The following SART3 variants were observed in gnomAD, a reference collection of about 807,000 sequenced individuals.
The protein encoded by SART3 is spliceosome associated factor 3, U4/U6 recycling protein.
Under a neutral mutation model 122.3 loss-of-function variants are expected in SART3, and 44 were observed. The observed-to-expected ratio is 0.36, with a 90% CI of 0.28 to 0.46. SART3 has a LOEUF of 0.46. SART3 is among the 20% of genes least tolerant of loss of function. The pLI, the probability that SART3 is intolerant of heterozygous loss-of-function variation, is 1.00. For missense variants in SART3, 1,101 were observed against 1,229.0 expected, an observed-to-expected ratio of 0.90 and a Z score of 1.56; for synonymous variants, 442 against 454.0, an observed-to-expected ratio of 0.97 and a Z score of 0.34.
intron 11 of SART3, 33 bp from the exon 12 acceptor site, chr12:108,535,501 G>T: frequency 6.4e-7 from 1 of 1,556,014 alleles, no homozygotes; most frequent in South Asian, 1.1e-5. Flanking sequence ...TAGGAGACCT[G>T]AACCTTATGA....
At chr12:108,530,424 C>G (rs1872624639) in intron 14 of SART3, 114 bp from the exon 15 acceptor site, 3 of 1,255,402 alleles carry the variant, frequency 2.4e-6, no homozygotes, top group Middle Eastern at 2.6e-4. Flanking sequence ...AAGCAGAGAT[C>G]AGGAGAAAAA....
At chr12:108,529,303 GCACA>G (rs140994738) in intron 15 of SART3, among the ~76,000 whole-genome samples, 11 of 150,944 alleles carry the variant, frequency 7.3e-5, no homozygotes, top group Admixed American at 4.6e-4. Flanking sequence ...ACACGCACAC[GCACA>G]CACACACACA....
chr12:108,537,261 C>T, intron 9 of SART3: 1 of 524,238 alleles, frequency 1.9e-6, no homozygotes, highest in Non-Finnish European at 3.4e-6. Flanking sequence ...AGAGCTAAGA[C>T]TAAAAAGGCT....
chr12:108,535,760 A>C (rs1235024755), intron 11 of SART3, among the ~76,000 whole-genome samples: 1 of 149,664 alleles, frequency 6.7e-6, no homozygotes, highest in Admixed American at 6.8e-5. Context: ...TATCAAGCTT[A>C]ACTACAAGTG....
intron 1 of SART3, among the ~76,000 whole-genome samples, chr12:108,554,943 A>G (rs1183812003): frequency 6.6e-6 from 1 of 152,200 alleles, no homozygotes; most frequent in Non-Finnish European, 1.5e-5. Flanking sequence ...CAATAAGAGC[A>G]ATGTATAAAA....
chr12:108,533,211 T>C (rs1400952930), intron 12 of SART3, among the ~76,000 whole-genome samples: 1 of 152,136 alleles, frequency 6.6e-6, no homozygotes, highest in East Asian at 1.9e-4. Flanking sequence ...ACTCCTTTTA[T>C]AATAATACCA....
chr12:108,536,870 A>G (rs1872931273), intron 9 of SART3, 85 bp from the exon 10 acceptor site: 4 of 1,226,440 alleles, frequency 3.3e-6, no homozygotes, highest in Non-Finnish European at 4.7e-6. Context: ...AACTGCCTGG[A>G]GACCCACTAT....
At chr12:108,537,113 G>A (rs1056366833) in intron 9 of SART3, 2 of 442,356 alleles carry the variant, frequency 4.5e-6, no homozygotes, top group Non-Finnish European at 8.3e-6. Flanking sequence ...GCAAGTACAA[G>A]TTAGGGGTTT....
intron 12 of SART3, among the ~76,000 whole-genome samples, chr12:108,534,856 T>C (rs1872835222): frequency 6.6e-6 from 1 of 152,246 alleles, no homozygotes; most frequent in African/African-American, 2.4e-5. Context: ...ACATTCTTTA[T>C]GTTTTCCCCA....
intron 14 of SART3, among the ~76,000 whole-genome samples, chr12:108,530,519 A>G (rs1319644397): frequency 2.0e-5 from 3 of 152,074 alleles, no homozygotes; most frequent in Non-Finnish European, 4.4e-5. Flanking sequence ...TACATTAGCA[A>G]TTTCCTCACC....
chr12:108,558,816 G>C (rs1420426411), intron 1 of SART3, among the ~76,000 whole-genome samples: 1 of 151,980 alleles, frequency 6.6e-6, no homozygotes, highest in Non-Finnish European at 1.5e-5. Context: ...GGCGGATCAC[G>C]AGGTCAGGAG....
chr12:108,536,747 TA>T lies in SART3; in HGVS notation c.1347del (p.Phe449LeufsTer8). The T allele has an allele frequency of 6.2e-7, 1 of 1,613,722 alleles. No individual in the cohort carries two copies. Among genetic ancestry groups the T allele is most frequent in the Non-Finnish European group, 8.5e-7 (1 of 1,179,826 alleles). On this transcript the variant is annotated frameshift_variant, in exon 10 of 19. Coordinates refer to ENST00000546815, the MANE Select transcript of SART3 (RefSeq NM_014706.4). LOFTEE classifies it high-confidence loss of function. ...SKELEELRAAFTRALEYLKQE... is the reference protein window; with the variant it reads ...SKELEELRAAXTRALEYLKQE... ...TGCTTCAGATACTCCAAGGCACGAGTAAAGGCGGCCCTCAACTCCTCCAGCT... is the reference window on the plus strand; with the variant it reads ...TGCTTCAGATACTCCAAGGCACGAGTAAGGCGGCCCTCAACTCCTCCAGCT...
intron 1 of SART3, among the ~76,000 whole-genome samples, chr12:108,556,330 T>G (rs954248802): frequency 2.0e-5 from 3 of 152,160 alleles, no homozygotes; most frequent in Admixed American, 2.0e-4. Context: ...ACTCCTGGGC[T>G]CAAGGGATCA....
chr12:108,526,406 A>C lies in SART3; in HGVS notation c.2063T>G (p.Leu688Arg). Residue 688 changes from leucine (L) to arginine (R), a missense_variant, in exon 16 of 19, where the codon CTG (leucine) becomes CGG (arginine). By Grantham distance (102) the Leu-to-Arg change is moderately radical (BLOSUM62 -2). Around this residue, in one of 2 missense-constraint regions of SART3, gnomAD observed 885 missense variants for 1,080.1 expected, o/e 0.82. Transcript: ENST00000546815. ...CAGCACCTTGGGCATGTCCCTCTTC[A>C]GGGAGGCTGCCTTCTCCTTCTGCTT... Reference protein sequence around the residue: ...PSKQKEKAASLKRDMPKVLHD... With the variant: ...PSKQKEKAASRKRDMPKVLHD... 6.2e-7 allele frequency: 1 copy of C among 1,614,098 alleles called. No homozygotes were observed. Among genetic ancestry groups the C allele is most frequent in the Non-Finnish European group, 8.5e-7 (1 of 1,179,994 alleles).
Position 108,561,004 on chromosome 12 carries a change from T to C in SART3, c.151A>G (p.Met51Val). Residue 51 changes from methionine to valine, a missense_variant, in exon 1 of 19, where the codon ATG becomes GTG. Around this residue, in one of 2 missense-constraint regions of SART3, gnomAD observed 216 missense variants for 148.9 expected, o/e 1.45. Transcript: ENST00000546815. ...TCCTGCTGATCCCACGCTGGCCCCATGGTCTTGTATGTCGCAGCGGCCACA... is the reference window on the plus strand; with the variant it reads ...TCCTGCTGATCCCACGCTGGCCCCACGGTCTTGTATGTCGCAGCGGCCACA... The part of the protein sequence containing the change: ...RAVAAATYKT[M>V]GPAWDQQEEG... The C allele has an allele frequency of 6.2e-7, 1 of 1,614,210 alleles. No individual in the cohort carries two copies. Among genetic ancestry groups the C allele is most frequent in the Non-Finnish European group, 8.5e-7 (1 of 1,180,032 alleles).
intron 15 of SART3, among the ~76,000 whole-genome samples, chr12:108,527,296 C>T (rs965025493): frequency 6.6e-6 from 1 of 152,210 alleles, no homozygotes; most frequent in Non-Finnish European, 1.5e-5. Flanking sequence ...GAGTTCAAAC[C>T]CAATTATCTG....
At chr12:108,557,567 C>T (rs911382220) in intron 1 of SART3, among the ~76,000 whole-genome samples, 1 of 152,186 alleles carries the variant, frequency 6.6e-6, no homozygotes, top group Non-Finnish European at 1.5e-5. Context: ...CTGTGCCAGG[C>T]GCTTTACGCA....
chr12:108,530,751 G>A (rs1212068186), intron 14 of SART3, among the ~76,000 whole-genome samples: 4 of 151,934 alleles, frequency 2.6e-5, no homozygotes, highest in Admixed American at 6.6e-5. Context: ...CCAGCTACTC[G>A]AGAAGCTGAG....
chr12:108,546,766 C>T (rs905659609), intron 3 of SART3, among the ~76,000 whole-genome samples: 2 of 152,170 alleles, frequency 1.3e-5, no homozygotes, highest in African/African-American at 4.8e-5. Context: ...AGGGATCCGC[C>T]TGCCTCAGTC....
Sources: gnomAD v4.1 joint callset for allele counts (sites outside exome capture counted in the v4.1 genomes callset) on GRCh38, gnomAD v4.1.1 for gene constraint, gnomAD v4.1.1 regional missense constraint, MANE v1.5 for transcripts, NCBI Gene and HGNC (gene_info 2026-07-23, HGNC 2026-07-21) for gene names.